Variants in ARHGEF3 observed in about 807,000 individuals in gnomAD.
ARHGEF3 encodes 59.8 kDA protein.
A neutral mutation model predicts 63.2 loss-of-function variants in ARHGEF3; 28 were observed. That is an observed-to-expected ratio of 0.44 (90% CI 0.33 to 0.61). ARHGEF3 has a LOEUF of 0.61. ARHGEF3 is among the 20% of genes least tolerant of loss of function. ARHGEF3 has a pLI of 0.03. For missense variants in ARHGEF3, 533 were observed against 659.3 expected (o/e 0.81, Z 2.10); for synonymous variants, 266 against 254.2 (o/e 1.05, Z -0.44).
chr3:56,882,230 A>G, intron 4 of ARHGEF3: 1 of 1,483,296 alleles, frequency 6.7e-7, no homozygotes. Flanking sequence ...ATTATTAACA[A>G]ATAACCTTCG....
At chr3:57,045,054 C>T (rs1704387863) in intron 1 of ARHGEF3, among the ~76,000 whole-genome samples, 1 of 152,146 alleles carries the variant, frequency 6.6e-6, no homozygotes, top group Non-Finnish European at 1.5e-5. Flanking sequence ...ATCACCTGAA[C>T]TCAGGAGTTC....
intron 7 of ARHGEF3, among the ~76,000 whole-genome samples, chr3:56,742,454 T>C (rs1405265282): frequency 6.6e-6 from 1 of 152,240 alleles, no homozygotes; most frequent in African/African-American, 2.4e-5. Flanking sequence ...TAGGTATGAA[T>C]GCAATCAACT....
Position 56,735,926 on chromosome 3 carries a change from C to T in ARHGEF3, c.1041+1259G>A, listed in dbSNP as rs180888271. On this transcript the variant is annotated intron_variant, in intron 8 of 9. Coordinates refer to ENST00000296315, the MANE Select transcript of ARHGEF3 (RefSeq NM_019555.3). The stretch of plus-strand genomic sequence containing the variant: ...ACGGATGTCCCTTGAATTATCAAAA[C>T]TTTATTAAGAACCCTTCAATCTAGT... Among the ~76,000 whole-genome samples the T allele has an allele frequency of 2.7e-3, 411 of 152,232 alleles. 2 individuals carry two copies. The highest frequency in any genetic ancestry group is 6.3e-3 in the Admixed American group (96 of 15,280).
intron 3 of ARHGEF3, chr3:56,958,819 T>C (rs1203020065): frequency 2.6e-6 from 4 of 1,550,946 alleles, no homozygotes; most frequent in Middle Eastern, 1.7e-4. Flanking sequence ...AGGGCAACAC[T>C]TACCCCTCTG....
chr3:57,073,411 G>A (rs1448307906), intron 1 of ARHGEF3: 2 of 363,754 alleles, frequency 5.5e-6, no homozygotes, highest in Non-Finnish European at 9.9e-6. Context: ...GTTGGGCAGC[G>A]TGGGAAGCTG....
At chr3:56,782,318 C>A (rs1479221307) in intron 1 of ARHGEF3, among the ~76,000 whole-genome samples, 1 of 152,126 alleles carries the variant, frequency 6.6e-6, no homozygotes, top group African/African-American at 2.4e-5. Context: ...TGGTTTTTAA[C>A]CCCCAAGGTG....
At chr3:56,859,556 G>T (rs1204682560) in intron 4 of ARHGEF3, among the ~76,000 whole-genome samples, 4 of 150,508 alleles carry the variant, frequency 2.7e-5, no homozygotes, top group African/African-American at 4.9e-5. Flanking sequence ...TTGAGACAGG[G>T]TCTCACTCTG....
rs75369773 is a variant in ARHGEF3 at position 57,035,789 on chromosome 3, C to T, written c.-27-613G>A. Among the ~76,000 whole-genome samples, 1,317 of 152,360 alleles carry T rather than the reference C, an allele frequency of 8.6e-3. 18 individuals are homozygous for T. The highest frequency in any genetic ancestry group is 0.029 in the African/African-American group (1,218 of 41,588). ...AGCAACCTTCCCACGGGCTGGAACC[C>T]AGCTCTGCCCATGCAGATGATGACA... On this transcript the variant is annotated intron_variant, in intron 1 of 12. Coordinates refer to the ARHGEF3 transcript ENST00000338458.
At chr3:56,892,217 T>G (rs1357612733) in intron 3 of ARHGEF3, among the ~76,000 whole-genome samples, 1 of 151,832 alleles carries the variant, frequency 6.6e-6, no homozygotes, top group Non-Finnish European at 1.5e-5. Context: ...CTATCCAGGA[T>G]AGAGGGCTGC....
At chr3:56,923,004 G>A (rs917055665) in intron 3 of ARHGEF3, among the ~76,000 whole-genome samples, 5 of 140,042 alleles carry the variant, frequency 3.6e-5, no homozygotes, top group African/African-American at 1.1e-4. Context: ...TGGCCAAAAT[G>A]GCAAAACCCC....
At chr3:56,846,093 C>A (rs2039480037) in intron 4 of ARHGEF3, among the ~76,000 whole-genome samples, 1 of 152,178 alleles carries the variant, frequency 6.6e-6, no homozygotes, top group African/African-American at 2.4e-5. Context: ...CCCAGACTTT[C>A]CAAGGTCATT....
Position 56,850,958 on chromosome 3 carries a change from G to A in ARHGEF3, c.192+31334C>T, listed in dbSNP as rs190980060. On this transcript the variant is annotated intron_variant, in intron 4 of 12. Coordinates refer to the ARHGEF3 transcript ENST00000338458. ...CACAGAAGAGGTCAAGTCACTTGAT[G>A]AAGTCATGTAGCTAGTAAGTGGTAG... is the stretch of plus-strand genomic sequence containing the variant. Among the ~76,000 whole-genome samples the A allele has an allele frequency of 5.3e-5, 8 of 152,336 alleles. No homozygotes were observed. In the East Asian group the frequency reaches 1.5e-3, roughly 29 times the overall value.
At chr3:57,069,372 C>A (rs1401171604) in intron 1 of ARHGEF3, among the ~76,000 whole-genome samples, 1 of 115,144 alleles carries the variant, frequency 8.7e-6, no homozygotes. Context: ...ATCTCTGTCT[C>A]TCAAACACAC....
chr3:56,927,566 A>T (rs2042306098), intron 3 of ARHGEF3, among the ~76,000 whole-genome samples: 1 of 152,198 alleles, frequency 6.6e-6, no homozygotes, highest in Non-Finnish European at 1.5e-5. Context: ...TTTAACAAAG[A>T]ATTTTTCAAC....
intron 3 of ARHGEF3, among the ~76,000 whole-genome samples, chr3:56,887,502 C>T (rs2040963538): frequency 6.6e-6 from 1 of 152,162 alleles, no homozygotes; most frequent in Non-Finnish European, 1.5e-5. Context: ...CAAGACCTGG[C>T]ACATAGTAAG....
chr3:56,756,920 C>T (rs1477556832), intron 2 of ARHGEF3, among the ~76,000 whole-genome samples: 1 of 152,186 alleles, frequency 6.6e-6, no homozygotes, highest in African/African-American at 2.4e-5. Flanking sequence ...TCTTCACCAA[C>T]ATTCTCCCAT....
At chr3:57,034,967 C>T in intron 2 of ARHGEF3, 1 of 809,564 alleles carries the variant, frequency 1.2e-6, no homozygotes, top group Non-Finnish European at 1.9e-6. Context: ...AGCACTATCT[C>T]CAAATTCTTG....
chr3:56,899,362 C>T (rs1330596326), intron 3 of ARHGEF3, among the ~76,000 whole-genome samples: 2 of 152,196 alleles, frequency 1.3e-5, no homozygotes, highest in Non-Finnish European at 2.9e-5. Flanking sequence ...AATTCATTGT[C>T]CATCGTAAAT....
chr3:56,896,206 C>T (rs1168930551), intron 3 of ARHGEF3, among the ~76,000 whole-genome samples: 1 of 152,110 alleles, frequency 6.6e-6, no homozygotes, highest in East Asian at 1.9e-4. Flanking sequence ...GTTTGCAAGT[C>T]CAGAATAAGA....
Sources: allele counts gnomAD v4.1 joint callset (sites outside exome capture counted in the v4.1 genomes callset), GRCh38; gene constraint gnomAD v4.1.1; transcripts MANE v1.5; gene names NCBI Gene and HGNC (gene_info 2026-07-23, HGNC 2026-07-21).